Variants in ERCC6L2 observed in about 807,000 individuals in gnomAD.
ERCC6L2 encodes DNA excision repair protein ERCC-6-like 2.
In ERCC6L2, 77 loss-of-function variants were observed where a neutral mutation model predicts 132.0. The observed-to-expected ratio is 0.58, with a 90% CI of 0.49 to 0.71. ERCC6L2 has a LOEUF of 0.71. ERCC6L2 is among the 30% of genes least tolerant of loss of function. The probability of loss-of-function intolerance (pLI) is 0.00; values close to 1 mark genes in which losing one functional copy is unlikely to be tolerated. For missense variants in ERCC6L2, 1,542 were observed against 1,837.6 expected (o/e 0.84, Z 2.94); for synonymous variants, 583 against 632.4 (o/e 0.92, Z 1.17).
intron 6 of ERCC6L2, chr9:95,918,349 T>G: frequency 2.7e-6 from 1 of 367,422 alleles, no homozygotes; most frequent in South Asian, 2.3e-5. Flanking sequence ...ACGATGTTTC[T>G]AACAGGAGGT....
At chr9:95,952,713 G>C (rs1252175022) in intron 12 of ERCC6L2, among the ~76,000 whole-genome samples, 1 of 152,108 alleles carries the variant, frequency 6.6e-6, no homozygotes, top group African/African-American at 2.4e-5. Context: ...GTACATGCCT[G>C]TAGTTCCAGC....
downstream of ERCC6L2, chr9:96,021,179 G>T: frequency 2.8e-6 from 1 of 356,796 alleles, no homozygotes. The surrounding 1 kb of genome is among the most constrained non-coding windows in gnomAD (Gnocchi z 4.7). Context: ...AGGCGGCTTC[G>T]CCTGGTGTCA....
Position 95,940,606 on chromosome 9 carries a change from T to TA in ERCC6L2, c.1752-847dup, listed in dbSNP as rs994214985. 8.5e-5 allele frequency among the ~76,000 whole-genome samples: 13 copies of TA among 152,312 alleles called. No homozygotes were observed. In the East Asian group the frequency reaches 2.3e-3, roughly 27 times the overall value. Reference sequence around the variant, plus strand: ...TTGTTAGAGAACATACTCAGTATAATACCATTATACTCAGTATATACCAGT... The same window carrying TA: ...TTGTTAGAGAACATACTCAGTATAATAACCATTATACTCAGTATATACCAGT... On this transcript the variant is annotated intron_variant, in intron 11 of 18. Transcript: ENST00000653738.
At chr9:95,951,772 A>C (rs1457217873) in intron 12 of ERCC6L2, among the ~76,000 whole-genome samples, 2 of 152,176 alleles carry the variant, frequency 1.3e-5, no homozygotes, top group Non-Finnish European at 2.9e-5. Flanking sequence ...GAATATAACT[A>C]TAACTGTGTA....
At chr9:95,994,913 G>C (rs1833422570) in intron 17 of ERCC6L2, among the ~76,000 whole-genome samples, 1 of 152,064 alleles carries the variant, frequency 6.6e-6, no homozygotes, top group African/African-American at 2.4e-5. Flanking sequence ...TTCCTACCTA[G>C]GTGCCCTCTA....
rs553829932 is a variant in ERCC6L2 at position 96,026,970 on chromosome 9, A to T, written c.*1504-11906A>T. Among the ~76,000 whole-genome samples the T allele has an allele frequency of 2.2e-5, 3 of 134,142 alleles. No individual in the cohort carries two copies. The South Asian group carries it at 7.4e-4, about 33-fold the overall frequency. The allele number at this position is 134,142 out of a possible 152,430, so 88.0% of individuals were successfully genotyped here. On this transcript the variant is annotated intron_variant and NMD_transcript_variant, in intron 19 of 20. Transcript: ENST00000670016. ...CACTACACCAAACACACCACACCGC[A>T]CAAACACACCACACACACACCACAC...
Position 95,907,122 on chromosome 9 carries a change from G to A in ERCC6L2, c.639G>A (p.Lys213=), listed in dbSNP as rs148565931. 1.3e-5 allele frequency: 21 copies of A among 1,612,660 alleles called. No individual in the cohort carries two copies. The highest frequency in any genetic ancestry group is 1.8e-5 in the Non-Finnish European group (21 of 1,179,528). ...VAPLSVLYNW[K]DELDTWGYFR... ...CTCTTTCTGTCCTCTACAACTGGAA[G>A]GATGAATTGGACACCTGGGGATATT... Residue 213 remains lysine, a synonymous_variant, in exon 4 of 19, where the codon AAG becomes AAA. Transcript: ENST00000653738.
intron 13 of ERCC6L2, among the ~76,000 whole-genome samples, chr9:95,963,911 C>T (rs970655403): frequency 2.6e-5 from 4 of 152,128 alleles, no homozygotes; most frequent in African/African-American, 9.7e-5. Flanking sequence ...GTGACCTGCC[C>T]TACTACTGCT....
chr9:95,898,035 A>G, intron 3 of ERCC6L2, 64 bp downstream of exon 3: 1 of 1,378,550 alleles, frequency 7.3e-7, no homozygotes. Flanking sequence ...ATATAGAAAT[A>G]TTTAAATATC....
intron 18 of ERCC6L2, among the ~76,000 whole-genome samples, chr9:96,006,699 C>T (rs547191487): frequency 1.2e-4 from 18 of 152,148 alleles, no homozygotes; most frequent in Non-Finnish European, 2.6e-4. Context: ...AGTACCCAAA[C>T]CACAGGCCAC....
At chr9:95,953,289 CAAT>C (rs1351897109) in intron 12 of ERCC6L2, among the ~76,000 whole-genome samples, 15 of 152,062 alleles carry the variant, frequency 9.9e-5, no homozygotes, top group Non-Finnish European at 1.6e-4. Flanking sequence ...TTAGAAACAA[CAAT>C]GAGGCCGGTT....
At chr9:95,975,551 T>C (rs1832631507) in intron 16 of ERCC6L2, among the ~76,000 whole-genome samples, 2 of 150,914 alleles carry the variant, frequency 1.3e-5, no homozygotes, top group Non-Finnish European at 2.9e-5. Context: ...TTTTACTAGC[T>C]TGTGTCTTCA....
chr9:95,882,078 C>T (rs1827627244), intron 2 of ERCC6L2, among the ~76,000 whole-genome samples: 1 of 152,288 alleles, frequency 6.6e-6, no homozygotes, highest in African/African-American at 2.4e-5. Context: ...TTCTTGTGAG[C>T]TGTTGGCTGG....
intron 12 of ERCC6L2, among the ~76,000 whole-genome samples, chr9:95,945,722 G>A (rs1005384168): frequency 2.0e-5 from 3 of 152,228 alleles, no homozygotes; most frequent in South Asian, 2.1e-4. Flanking sequence ...CTGACTTCCC[G>A]CAACAGGTGT....
At chr9:95,997,534 T>G (rs1274722952) in intron 17 of ERCC6L2, among the ~76,000 whole-genome samples, 1 of 152,238 alleles carries the variant, frequency 6.6e-6, no homozygotes, top group African/African-American at 2.4e-5. Context: ...TACATAAACT[T>G]AGTTGATAAA....
chr9:95,972,483 C>T lies in ERCC6L2; in HGVS notation c.2732C>T (p.Thr911Ile). The T allele has an allele frequency of 7.8e-7, 1 of 1,289,778 alleles. No homozygotes were observed. Among genetic ancestry groups the T allele is most frequent in the Non-Finnish European group, 1.0e-6 (1 of 988,854 alleles). The allele number at this position is 1,289,778 out of a possible 1,614,324, so 79.9% of individuals were successfully genotyped here. The change falls in exon 16 of 19, where the codon ACT (threonine) becomes ATT (isoleucine). Residue 911 changes from threonine (T) to isoleucine (I), a missense_variant. By Grantham distance (89) the Thr-to-Ile change is moderately conservative. This residue lies in a region of ERCC6L2 where 945 missense variants were observed against 1,105.2 expected (regional missense o/e 0.86). Transcript: ENST00000653738. Reference sequence around the variant, plus strand: ...GTCATCTGTCCTACACAATACACAACTGAGAGATTCCCCGACAATAGTATA... The same window carrying T: ...GTCATCTGTCCTACACAATACACAATTGAGAGATTCCCCGACAATAGTATA... ...SDVICPTQYT[T>I]ERFPDNSIRF... is the part of the protein sequence containing the mutation.
At chr9:95,941,429 CT>C (rs10712273) in intron 11 of ERCC6L2, 24 bp from the exon 12 acceptor site, 42,411 of 1,034,476 alleles carry the variant, frequency 0.041, 232 homozygotes, top group African/African-American at 0.1. Context: ...TTCTAATGTG[CT>C]TTTTTTTTTT....
In ERCC6L2 at chr9:96,013,112, C is replaced by T; in HGVS notation, c.4562C>T (p.Ser1521Phe). The change falls in exon 19 of 19, where the codon TCT becomes TTT. Residue 1521 changes from serine (S) to phenylalanine (F), a missense_variant. Ser to Phe is a radical substitution (Grantham distance 155, BLOSUM62 -2). Coordinates refer to ENST00000653738, the MANE Select transcript of ERCC6L2 (RefSeq NM_020207.7). ...AAAAGGAGAGAAGAGCCAGCAACTT[C>T]TCTTTGGAAATCAAATGAGAAATTT... ...PFKRREEPAT[S>F]LWKSNEKFLW... 2 of 1,367,374 alleles carry T rather than the reference C, an allele frequency of 1.5e-6. No homozygotes were observed. The highest frequency in any genetic ancestry group is 9.8e-7 in the Non-Finnish European group (1 of 1,021,820). The allele number at this position is 1,367,374 out of a possible 1,614,324, so 84.7% of individuals were successfully genotyped here.
intron 13 of ERCC6L2, among the ~76,000 whole-genome samples, chr9:95,962,464 A>G (rs960341777): frequency 1.3e-5 from 2 of 152,182 alleles, no homozygotes; most frequent in South Asian, 4.1e-4. Context: ...AACAACCTAA[A>G]TGTCTGACAG....
Sources: allele counts gnomAD v4.1 joint callset (sites outside exome capture counted in the v4.1 genomes callset), GRCh38; gene constraint gnomAD v4.1.1; regional missense constraint gnomAD v4.1.1; non-coding constraint Gnocchi (gnomAD v3.1); transcripts MANE v1.5; gene names NCBI Gene and HGNC (gene_info 2026-07-23, HGNC 2026-07-21).